The following DMC1 variants were observed in gnomAD, a reference collection of about 807,000 sequenced individuals.
The protein encoded by DMC1 is meiotic recombination protein DMC1 homolog.
Under a neutral mutation model 50.1 loss-of-function variants are expected in DMC1, and 27 were observed. That is an observed-to-expected ratio of 0.54 (90% CI 0.40 to 0.74). The LOEUF (loss-of-function observed/expected upper bound fraction) is 0.74. Ranked by LOEUF, DMC1 falls within the 30% of genes least tolerant of loss-of-function variation. The probability of loss-of-function intolerance (pLI) is 0.00; values close to 1 mark genes in which losing one functional copy is unlikely to be tolerated. For missense variants in DMC1, 295 were observed against 420.2 expected (o/e 0.70, Z 2.60); for synonymous variants, 148 against 136.1 (o/e 1.09, Z -0.61).
intron 13 of DMC1, 44 bp downstream of exon 13, chr22:38,521,538 TACACACACACACACACACACACACAC>T (rs111317680): frequency 1.9e-5 from 12 of 642,986 alleles, no homozygotes; most frequent in East Asian, 8.0e-5. Context: ...ACCCCGTCTC[TACACACACACACACACACACACACAC>T]ACACACACAC....
chr22:38,552,575 A>G (rs924235332), intron 7 of DMC1, 91 bp downstream of exon 7: 7 of 971,530 alleles, frequency 7.2e-6, no homozygotes, highest in Middle Eastern at 2.5e-4. Context: ...GTATGTTCAG[A>G]TATGAGATTA....
intron 6 of DMC1, among the ~76,000 whole-genome samples, chr22:38,555,095 A>T (rs931072618): frequency 6.6e-6 from 1 of 152,052 alleles, no homozygotes; most frequent in Non-Finnish European, 1.5e-5. Context: ...GTCTCAAAAA[A>T]AAAAAAAAAA....
At chr22:38,526,407 A>G (rs1308611888) in intron 12 of DMC1, among the ~76,000 whole-genome samples, 3 of 152,020 alleles carry the variant, frequency 2.0e-5, no homozygotes, top group Admixed American at 6.6e-5. Flanking sequence ...ACGGGGTTTC[A>G]CTATGTTAAT....
chr22:38,515,711 A>C (rs531109079), downstream of DMC1, among the ~76,000 whole-genome samples: 4 of 151,682 alleles, frequency 2.6e-5, no homozygotes, highest in Non-Finnish European at 5.9e-5. Flanking sequence ...AGGTAGGAGA[A>C]TCGTTTGAAC....
At chr22:38,560,356 T>C (rs907569296) in intron 5 of DMC1, among the ~76,000 whole-genome samples, 1 of 152,122 alleles carries the variant, frequency 6.6e-6, no homozygotes, top group Non-Finnish European at 1.5e-5. Context: ...CTATGGCTGG[T>C]ACATAGAAAA....
At chr22:38,510,586 C>T in the DMC1 span, among the ~76,000 whole-genome samples, 1 of 152,210 alleles carries the variant, frequency 6.6e-6, no homozygotes, top group Non-Finnish European at 1.5e-5. Flanking sequence ...ATCCCAGACC[C>T]TTCAGCCAGC....
chr22:38,521,523 G>A (rs1199077470), intron 13 of DMC1, 85 bp downstream of exon 13: 10 of 932,914 alleles, frequency 1.1e-5, no homozygotes, highest in Non-Finnish European at 1.6e-5. Context: ...GGGCAACATG[G>A]CAAAACCCCG....
intron 5 of DMC1, among the ~76,000 whole-genome samples, chr22:38,557,953 GTTCTTTT>G (rs2090484332): frequency 1.1e-5 from 1 of 94,978 alleles, no homozygotes; most frequent in Non-Finnish European, 2.2e-5. Context: ...ATTAGACAAA[GTTCTTTT>G]TTTTTTTTTT....
At chr22:38,540,941 A>G (rs960053227) in intron 8 of DMC1, among the ~76,000 whole-genome samples, 1 of 152,230 alleles carries the variant, frequency 6.6e-6, no homozygotes, top group Non-Finnish European at 1.5e-5. Flanking sequence ...AAGTGCCCTT[A>G]TACAAAGGCT....
chr22:38,510,547 G>T, the DMC1 span, among the ~76,000 whole-genome samples: 1 of 152,166 alleles, frequency 6.6e-6, no homozygotes, highest in African/African-American at 2.4e-5. Flanking sequence ...AGTATATCCT[G>T]CCAAGACCCC....
downstream of DMC1, among the ~76,000 whole-genome samples, chr22:38,515,958 T>C (rs1231697482): frequency 6.6e-6 from 1 of 152,162 alleles, no homozygotes; most frequent in East Asian, 1.9e-4. Flanking sequence ...AAAAGAGTCC[T>C]AACCAATAAA....
At chr22:38,564,995 C>A (rs1045024720) in intron 4 of DMC1, among the ~76,000 whole-genome samples, 1 of 152,150 alleles carries the variant, frequency 6.6e-6, no homozygotes, top group Admixed American at 6.5e-5. Context: ...ACCAAATGGC[C>A]GTTGGTGAAG....
At position 38,537,587 on chromosome 22, in the gene DMC1, C is replaced by G; in HGVS notation, c.836+5G>C. ...TGAAATAAAAAGTAGAATATTGGGG[C>G]TTACGTCATAGTTGCTCCTGGATCG... is the stretch of plus-strand genomic sequence containing the variant. On this transcript the variant is annotated splice_donor_5th_base_variant and intron_variant, in intron 12 of 13. Transcript: ENST00000216024. The G allele has an allele frequency of 6.2e-7, 1 of 1,612,686 alleles. No homozygotes were observed.
At chr22:38,509,271 T>G in the DMC1 span, among the ~76,000 whole-genome samples, 1 of 152,012 alleles carries the variant, frequency 6.6e-6, no homozygotes, top group African/African-American at 2.4e-5. Flanking sequence ...CTTGCCTCGG[T>G]ATTAGGCCCA....
intron 12 of DMC1, among the ~76,000 whole-genome samples, chr22:38,523,649 T>C (rs1325173731): frequency 1.3e-5 from 2 of 152,194 alleles, no homozygotes; most frequent in Non-Finnish European, 2.9e-5. Context: ...AAAATTGTTT[T>C]TTCAGCTACG....
chr22:38,563,979 C>G (rs370300971), intron 4 of DMC1, among the ~76,000 whole-genome samples: 1 of 152,086 alleles, frequency 6.6e-6, no homozygotes, highest in Non-Finnish European at 1.5e-5. Flanking sequence ...GGATTACAGG[C>G]GTGAGCCACC....
At chr22:38,551,003 A>C (rs1023342195) in intron 7 of DMC1, among the ~76,000 whole-genome samples, 4 of 151,488 alleles carry the variant, frequency 2.6e-5, no homozygotes, top group African/African-American at 9.7e-5. Context: ...ATAGTCACAA[A>C]TAGGCCGAGT....
At chr22:38,515,051 A>T (rs2089967110), downstream of DMC1, among the ~76,000 whole-genome samples, 2 of 147,564 alleles carry the variant, frequency 1.4e-5, no homozygotes, top group Non-Finnish European at 3.0e-5. Flanking sequence ...TATTTTTAGT[A>T]GAGATGGGGT....
At chr22:38,543,299 G>A (rs954596201) in intron 8 of DMC1, among the ~76,000 whole-genome samples, 2 of 148,846 alleles carry the variant, frequency 1.3e-5, no homozygotes, top group Non-Finnish European at 3.0e-5. Flanking sequence ...GCATGATCTC[G>A]GCTCACTGCA....
Sources: allele counts gnomAD v4.1 joint callset (sites outside exome capture counted in the v4.1 genomes callset), GRCh38; gene constraint gnomAD v4.1.1; transcripts MANE v1.5; gene names NCBI Gene and HGNC (gene_info 2026-07-23, HGNC 2026-07-21).